CCDC77: variants seen among roughly 807,000 people sequenced by gnomAD.
CCDC77 encodes coiled-coil domain containing 77.
Under a neutral mutation model 66.8 loss-of-function variants are expected in CCDC77, and 56 were observed. That is an observed-to-expected ratio of 0.84 (90% confidence interval 0.68 to 1.05). CCDC77 has a LOEUF of 1.05. Among genes scored for constraint, CCDC77 ranks in the 50% least tolerant of loss-of-function variants. CCDC77 has a pLI of 0.00. For synonymous variants in CCDC77, 196 were observed against 195.2 expected (o/e 1.00, Z -0.03); for missense variants, 570 against 576.8 (o/e 0.99, Z 0.12).
chr12:427,362 A>G (rs992703257), intron 5 of CCDC77, among the ~76,000 whole-genome samples: 15 of 151,716 alleles, frequency 9.9e-5, no homozygotes, highest in East Asian at 5.8e-4. Context: ...TGTTTGAGCT[A>G]TACTCTGTTG....
intron 10 of CCDC77, 97 bp downstream of exon 10, chr12:438,651 C>A: frequency 1.1e-6 from 1 of 886,678 alleles, no homozygotes; most frequent in Non-Finnish European, 1.7e-6. Context: ...TCCATTCAGT[C>A]CAGGAAGCTC....
At chr12:407,337 A>G (rs1945014641) in intron 2 of CCDC77, among the ~76,000 whole-genome samples, 2 of 152,218 alleles carry the variant, frequency 1.3e-5, no homozygotes, top group African/African-American at 4.8e-5. Flanking sequence ...CTGGCAGCAT[A>G]GAATTAGTAT....
intron 2 of CCDC77, among the ~76,000 whole-genome samples, chr12:405,970 CT>C (rs1944982662): frequency 6.8e-6 from 1 of 146,270 alleles, no homozygotes; most frequent in Admixed American, 7.0e-5. Context: ...CCCAGCTGGA[CT>C]GCAATGGCGT....
At chr12:433,651 CAAAA>C (rs74643579) in intron 9 of CCDC77, among the ~76,000 whole-genome samples, 5 of 121,362 alleles carry the variant, frequency 4.1e-5, no homozygotes, top group African/African-American at 1.1e-4. Context: ...GACCCTGTCT[CAAAA>C]AAAAAAAAAA....
At chr12:413,335 C>A (rs890905461) in intron 4 of CCDC77, among the ~76,000 whole-genome samples, 67 of 151,372 alleles carry the variant, frequency 4.4e-4, no homozygotes, top group African/African-American at 1.6e-3. Context: ...CTCCCGGGTT[C>A]ACGCCATTCT....
chr12:408,838 G>A (rs1037977416), intron 2 of CCDC77, among the ~76,000 whole-genome samples: 1 of 152,072 alleles, frequency 6.6e-6, no homozygotes, highest in African/African-American at 2.4e-5. Flanking sequence ...ATTTTTATTT[G>A]AAAATAATTA....
At chr12:428,315 T>A (rs1299397921) in intron 5 of CCDC77, among the ~76,000 whole-genome samples, 1 of 151,872 alleles carries the variant, frequency 6.6e-6, no homozygotes, top group Non-Finnish European at 1.5e-5. Flanking sequence ...GATCAGGACC[T>A]TCCTGGCTAA....
intron 1 of CCDC77, among the ~76,000 whole-genome samples, chr12:404,699 G>A (rs1320526911): frequency 6.6e-6 from 1 of 152,032 alleles, no homozygotes; most frequent in Non-Finnish European, 1.5e-5. Context: ...TTGTTAGAAG[G>A]GTCTTTCAAA....
chr12:394,619 C>G (rs1211761980), intron 1 of CCDC77, among the ~76,000 whole-genome samples: 1 of 152,224 alleles, frequency 6.6e-6, no homozygotes, highest in Admixed American at 6.5e-5. Context: ...TTCCAATGAC[C>G]TTCAAGCATT....
chr12:412,335 T>C (rs1261643226), intron 4 of CCDC77, among the ~76,000 whole-genome samples: 1 of 152,228 alleles, frequency 6.6e-6, no homozygotes, highest in African/African-American at 2.4e-5. Flanking sequence ...CCATGATGCT[T>C]TACTTGAGTA....
At chr12:422,416 C>T (rs191942109) in intron 5 of CCDC77, among the ~76,000 whole-genome samples, 173 of 152,330 alleles carry the variant, frequency 1.1e-3, no homozygotes, top group African/African-American at 4.0e-3. Context: ...TATACTCATT[C>T]AACAGTAACT....
chr12:434,880 T>G (rs1945720953), intron 9 of CCDC77, among the ~76,000 whole-genome samples: 1 of 152,258 alleles, frequency 6.6e-6, no homozygotes, highest in African/African-American at 2.4e-5. Flanking sequence ...TTGAATGTGT[T>G]TGAGCATGTC....
intron 1 of CCDC77, among the ~76,000 whole-genome samples, chr12:394,773 A>G (rs1944805015): frequency 6.6e-6 from 1 of 152,324 alleles, no homozygotes; most frequent in East Asian, 1.9e-4. Flanking sequence ...ATAGAATGGA[A>G]GAAAAGCAAT....
At chr12:420,906 CTGTG>C (rs1339298332) in intron 5 of CCDC77, among the ~76,000 whole-genome samples, 63 of 7,372 alleles carry the variant, frequency 8.5e-3, no homozygotes, top group Non-Finnish European at 9.6e-3. Context: ...CAGTGCTCTT[CTGTG>C]TGTGTGTGCT....
upstream of CCDC77, among the ~76,000 whole-genome samples, chr12:399,828 T>G (rs1944874037): frequency 6.6e-6 from 1 of 152,218 alleles, no homozygotes; most frequent in South Asian, 2.1e-4. Flanking sequence ...GGGATGTAAA[T>G]GGGCACTGGC....
chr12:415,525 TA>T (rs1006116557), intron 4 of CCDC77, among the ~76,000 whole-genome samples: 5 of 148,794 alleles, frequency 3.4e-5, no homozygotes, highest in Non-Finnish European at 7.4e-5. Flanking sequence ...AATATTAACA[TA>T]ATTATTAACA....
chr12:436,281 C>A (rs1304243233), intron 9 of CCDC77, among the ~76,000 whole-genome samples: 2 of 151,452 alleles, frequency 1.3e-5, no homozygotes, highest in East Asian at 3.9e-4. Flanking sequence ...CCACGCCCGG[C>A]TAATTTTTTT....
rs995809876 is a variant in CCDC77 at position 418,524 on chromosome 12, G to A, written c.301G>A (p.Glu101Lys). ...ACTTGAATGTGATTTGCAGCAGAGGGAGGAAGAGATTGCTGAATTGCAGAA... is the reference window on the plus strand; with the variant it reads ...ACTTGAATGTGATTTGCAGCAGAGGAAGGAAGAGATTGCTGAATTGCAGAA... ...HKLECDLQQR[E>K]EEIAELQKAL... is the part of the protein sequence containing the mutation. The change falls in exon 5 of 13, where the codon GAG becomes AAG. Residue 101 changes from glutamate (E) to lysine (K), a missense_variant. Coordinates refer to ENST00000239830, the MANE Select transcript of CCDC77 (RefSeq NM_032358.4). The A allele has an allele frequency of 3.7e-6, 6 of 1,613,972 alleles. No individual in the cohort carries two copies. The African/African-American group carries it at 8.0e-5, about 22-fold the overall frequency.
At chr12:398,756 A>G (rs945079403), upstream of CCDC77, among the ~76,000 whole-genome samples, 4 of 150,288 alleles carry the variant, frequency 2.7e-5, no homozygotes, top group Admixed American at 2.0e-4. Context: ...TTTATTAAAT[A>G]TATTTTTACT....
Sources: allele counts gnomAD v4.1 joint callset (sites outside exome capture counted in the v4.1 genomes callset), GRCh38; gene constraint gnomAD v4.1.1; transcripts MANE v1.5; gene names NCBI Gene and HGNC (gene_info 2026-07-23, HGNC 2026-07-21).